Variants in SGCE observed in about 807,000 individuals in gnomAD.
The protein encoded by SGCE is sarcoglycan epsilon, also known as epsilon-sarcoglycan.
Under a neutral mutation model 57.8 loss-of-function variants are expected in SGCE, and 26 were observed. The observed-to-expected ratio is 0.45, with a 90% CI of 0.33 to 0.62. The LOEUF (loss-of-function observed/expected upper bound fraction) is 0.62, where lower values mean the gene tolerates loss of function less well. Among genes scored for constraint, SGCE ranks in the 20% least tolerant of loss-of-function variants. SGCE has a pLI of 0.02. For synonymous variants in SGCE, 183 were observed against 189.5 expected (o/e 0.97, Z 0.28); for missense variants, 468 against 548.6 (o/e 0.85, Z 1.47).
At chr7:94,611,153 T>C (rs1212351386) in intron 5 of SGCE, among the ~76,000 whole-genome samples, 1 of 152,160 alleles carries the variant, frequency 6.6e-6, no homozygotes. Flanking sequence ...AGGGATATAC[T>C]TCAGAAAAAT....
intron 1 of SGCE, among the ~76,000 whole-genome samples, chr7:94,640,632 G>A (rs1030845819): frequency 2.6e-5 from 4 of 151,868 alleles, no homozygotes; most frequent in African/African-American, 9.7e-5. Flanking sequence ...GCTTCTGTGT[G>A]TTTGTTTTGT....
At chr7:94,631,565 T>C (rs976660224) in intron 1 of SGCE, among the ~76,000 whole-genome samples, 2 of 151,770 alleles carry the variant, frequency 1.3e-5, no homozygotes, top group Non-Finnish European at 2.9e-5. Flanking sequence ...AATACTACAG[T>C]AGTAGGATTC....
intron 1 of SGCE, among the ~76,000 whole-genome samples, chr7:94,634,630 G>A (rs190831915): frequency 6.6e-6 from 1 of 152,248 alleles, no homozygotes; most frequent in East Asian, 1.9e-4. Context: ...AAAAACAAAT[G>A]CGTGCTGTTT....
At chr7:94,650,463 A>ATCT (rs150639900) in intron 1 of SGCE, among the ~76,000 whole-genome samples, 1 of 151,950 alleles carries the variant, frequency 6.6e-6, no homozygotes, top group Non-Finnish European at 1.5e-5. Context: ...GGAATCTTTC[A>ATCT]TCTTCTTCTC....
chr7:94,655,777 G>GAGAAA (rs1808555766), intron 1 of SGCE, among the ~76,000 whole-genome samples: 1 of 150,068 alleles, frequency 6.7e-6, no homozygotes, highest in Non-Finnish European at 1.5e-5. Flanking sequence ...GCGCGGAGAG[G>GAGAAA]AAAAAAAGGC....
At chr7:94,619,105 A>T (rs1177622159) in intron 4 of SGCE, 149 bp from the exon 5 acceptor site, 1 of 660,596 alleles carries the variant, frequency 1.5e-6, no homozygotes, top group Admixed American at 2.3e-5. Context: ...TTTCTGTTTA[A>T]CAGAGGATGT....
At position 94,599,959 on chromosome 7, in the gene SGCE, G is replaced by A. The variant is rs28439281; in HGVS notation, c.1038-236C>T. 34,026 of 379,626 alleles carry A rather than the reference G, an allele frequency of 0.09. 1,927 individuals are homozygous for A. The highest frequency in any genetic ancestry group is 0.22 in the East Asian group (5,521 of 24,918). The allele number at this position is 379,626 out of a possible 1,614,324, so 23.5% of individuals were successfully genotyped here. On this transcript the variant is annotated intron_variant, in intron 7 of 10. Coordinates refer to ENST00000648936, the MANE Select transcript of SGCE (RefSeq NM_003919.3). ...AAAAAAATGGAGATTAAGAATCAAG[G>A]CCTTGATTGAAATAAATTCTATGAC...
Position 94,585,451 on chromosome 7 carries a change from G to A in SGCE, c.*48C>T. On this transcript the variant is annotated 3_prime_UTR_variant, in exon 11 of 11. Transcript: ENST00000648936. Reference sequence around the variant, plus strand: ...AAGAGAAAAGAAATGTGATGTAACTGCTATATTGTCTGATTATAAATTCAT... The same window carrying A: ...AAGAGAAAAGAAATGTGATGTAACTACTATATTGTCTGATTATAAATTCAT... 6.4e-7 allele frequency: 1 copy of A among 1,552,660 alleles called. No homozygotes were observed. The highest frequency in any genetic ancestry group is 1.1e-5 in the South Asian group (1 of 89,668).
chr7:94,618,783 G>A lies in SGCE; in HGVS notation c.637C>T (p.Leu213Phe). 5 of 1,614,022 alleles carry A rather than the reference G, an allele frequency of 3.1e-6. No homozygotes were observed. Among genetic ancestry groups the A allele is most frequent in the Non-Finnish European group, 4.2e-6 (5 of 1,179,926 alleles). ...SALDRGGRVP[L>F]PINDLKEGVY... is the part of the protein sequence containing the mutation. ...CCCTCCTTCAGGTCATTAATGGGAA[G>A]TGGCACCCTGCCACCCCTGTCTAGG... Residue 213 changes from leucine to phenylalanine, a missense_variant, in exon 5 of 11, where the codon CTT (leucine) becomes TTT (phenylalanine). Coordinates refer to ENST00000648936, the MANE Select transcript of SGCE (RefSeq NM_003919.3).
intron 1 of SGCE, chr7:94,640,753 T>A (rs1806275148): frequency 6.5e-6 from 1 of 152,930 alleles, no homozygotes; most frequent in Admixed American, 6.5e-5. Flanking sequence ...GTTCAAGAGA[T>A]TCTCCAGCCT....
chr7:94,617,259 A>T (rs947707713), intron 5 of SGCE: 1 of 152,226 alleles, frequency 6.6e-6, no homozygotes, highest in Admixed American at 6.5e-5. Flanking sequence ...AGTTTGGTTT[A>T]TGGAGTTGCT....
At chr7:94,651,589 A>G (rs999779934) in intron 1 of SGCE, among the ~76,000 whole-genome samples, 8 of 152,246 alleles carry the variant, frequency 5.3e-5, no homozygotes, top group African/African-American at 1.9e-4. Context: ...CTTTCAAAAC[A>G]AAGTGTAAGA....
intron 10 of SGCE, chr7:94,586,878 C>T: frequency 1.0e-6 from 1 of 985,046 alleles, no homozygotes; most frequent in Non-Finnish European, 1.2e-6. Context: ...CTAGGGTGGT[C>T]TCTCTCCCTT....
intron 1 of SGCE, among the ~76,000 whole-genome samples, chr7:94,631,839 C>T (rs1331267296): frequency 6.6e-6 from 1 of 151,976 alleles, no homozygotes; most frequent in Non-Finnish European, 1.5e-5. Flanking sequence ...AAGCAGAGAA[C>T]ATTACAAATA....
At chr7:94,639,448 G>GTACAAAATAT in intron 1 of SGCE, 1 of 1,514,542 alleles carries the variant, frequency 6.6e-7, no homozygotes, top group Non-Finnish European at 8.8e-7. Context: ...TAATAAAAAA[G>GTACAAAATAT]CTTTTCAGAA....
At chr7:94,606,836 A>G (rs67556925) in intron 5 of SGCE, among the ~76,000 whole-genome samples, 21,014 of 152,170 alleles carry the variant, frequency 0.14, 1,598 homozygotes, top group South Asian at 0.24. Context: ...ACTACTAGGA[A>G]ACTAAGCAAC....
At chr7:94,604,806 AATATATATATATATATATATATATAT>A (rs59162734) in intron 5 of SGCE, among the ~76,000 whole-genome samples, 671 of 44,418 alleles carry the variant, frequency 0.015, 37 homozygotes, top group African/African-American at 0.072. Context: ...ATGGTGCTGG[AATATATATATATATATATATATATAT>A]ATATATATAT....
chr7:94,588,914 A>C (rs187958903), intron 9 of SGCE, 182 bp from the exon 10 acceptor site: 1 of 636,490 alleles, frequency 1.6e-6, no homozygotes, highest in African/African-American at 1.8e-5. Flanking sequence ...GAGAATAAAA[A>C]TTAACAATAT....
chr7:94,648,388 A>AAAAAAAAAAAG (rs1807412382), intron 1 of SGCE, among the ~76,000 whole-genome samples: 1 of 151,098 alleles, frequency 6.6e-6, no homozygotes. Flanking sequence ...AAAAAAAAAA[A>AAAAAAAAAAAG]AAAAAAAAAA....
Sources: allele counts gnomAD v4.1 joint callset (sites outside exome capture counted in the v4.1 genomes callset), GRCh38; gene constraint gnomAD v4.1.1; transcripts MANE v1.5; gene names NCBI Gene and HGNC (gene_info 2026-07-23, HGNC 2026-07-21).